DNAH2: variants seen among roughly 807,000 people sequenced by gnomAD.
DNAH2 encodes axonemal beta dynein heavy chain 2.
In DNAH2, 323 loss-of-function variants were observed where a neutral mutation model predicts 523.5. The ratio of observed to expected loss-of-function variants is 0.62; its 90% CI spans 0.56 to 0.68. DNAH2 has a LOEUF of 0.68. DNAH2 is among the 30% of genes least tolerant of loss of function. The pLI, the probability that DNAH2 is intolerant of heterozygous loss-of-function variation, is 0.00. For missense variants in DNAH2, 4,907 were observed against 5,701.5 expected (o/e 0.86, Z 4.49); for synonymous variants, 2,093 against 2,177.4 (o/e 0.96, Z 1.08).
intron 12 of DNAH2, among the ~76,000 whole-genome samples, chr17:7,750,520 C>G (rs1336645406): frequency 1.3e-5 from 2 of 152,032 alleles, no homozygotes; most frequent in African/African-American, 4.8e-5. Context: ...GGAGGTAAAT[C>G]TTTTGAGTTT....
chr17:7,830,521 G>A, intron 78 of DNAH2, 30 bp downstream of exon 78: 1 of 1,611,380 alleles, frequency 6.2e-7, no homozygotes, highest in South Asian at 1.1e-5. Flanking sequence ...CCTCATCCCA[G>A]CCCTCTCTCC....
In DNAH2 at chr17:7,732,366, C is replaced by T. The variant is rs1017519455; in HGVS notation, c.400-721C>T. On this transcript the variant is annotated intron_variant, in intron 4 of 85. Transcript: ENST00000572933. Reference sequence around the variant, plus strand: ...AGAAGAATCGCTTGAACCCGGGGGGCGGAGATTGCAGTGAGCTGAGATTGC... The same window carrying T: ...AGAAGAATCGCTTGAACCCGGGGGGTGGAGATTGCAGTGAGCTGAGATTGC... Among the ~76,000 whole-genome samples the T allele has an allele frequency of 6.5e-5, 9 of 137,598 alleles. No homozygotes were observed. In the East Asian group the frequency reaches 1.2e-3, roughly 18 times the overall value. The allele number at this position is 137,598 out of a possible 152,430, so 90.3% of individuals were successfully genotyped here. A position where few individuals can be genotyped will look rare whatever the true frequency, so the allele number is the denominator to read the frequency against.
At chr17:7,820,934 G>A (rs2077834179) in intron 72 of DNAH2, among the ~76,000 whole-genome samples, 1 of 152,142 alleles carries the variant, frequency 6.6e-6, no homozygotes, top group Admixed American at 6.5e-5. Flanking sequence ...AGCTGCTTGG[G>A]AGCCTGACGC....
intron 4 of DNAH2, among the ~76,000 whole-genome samples, chr17:7,730,130 TA>T (rs563065510): frequency 0.041 from 5,084 of 124,764 alleles, 136 homozygotes; most frequent in African/African-American, 0.092. Flanking sequence ...GGGATTCAAT[TA>T]AAAAAAAAAA....
In DNAH2 at chr17:7,793,448, T is replaced by TC. The variant is rs59809421; in HGVS notation, c.7569+243_7569+244insC. The stretch of plus-strand genomic sequence containing the variant: ...CCTGCTTGCTTTTTCTTTCTTTCTT[T>TC]TTCTTTCTTTCTTTCTTTCTTTCTT... On this transcript the variant is annotated intron_variant, in intron 48 of 85. Coordinates refer to ENST00000572933, the MANE Select transcript of DNAH2 (RefSeq NM_020877.5). 7.2e-3 allele frequency among the ~76,000 whole-genome samples: 404 copies of TC among 56,450 alleles called. 7 individuals are homozygous for TC. The highest frequency in any genetic ancestry group is 0.017 in the South Asian group (31 of 1,778). 37.0% of individuals were successfully genotyped at this position (56,450 alleles called of 152,430 possible).
chr17:7,779,101 G>A, intron 35 of DNAH2, 142 bp from the exon 36 acceptor site: 2 of 870,908 alleles, frequency 2.3e-6, no homozygotes, highest in South Asian at 3.4e-5. Context: ...CTACAACAGT[G>A]TACTCTGGTG....
intron 39 of DNAH2, among the ~76,000 whole-genome samples, chr17:7,782,181 A>C (rs751742053): frequency 2.4e-4 from 37 of 152,164 alleles, no homozygotes; most frequent in Non-Finnish European, 4.4e-4. Context: ...CTGAAGATAT[A>C]ACAGAAGATG....
Position 7,807,564 on chromosome 17 carries a change from A to G in DNAH2, c.9707A>G (p.Glu3236Gly). ...CGGGAGAAGCAAGCCGCGCTCGCTG[A>G]GGCCCAGGAGAAGCTGCGGGAGGTG... ...QLREKQAALAEAQEKLREVAE... is the reference protein window; with the variant it reads ...QLREKQAALAGAQEKLREVAE... Residue 3236 changes from glutamate (E) to glycine (G), a missense_variant, in exon 63 of 86, where the codon GAG becomes GGG. By Grantham distance (98) the Glu-to-Gly change is moderately conservative. This residue lies in a region of DNAH2 where 1,851 missense variants were observed against 2,139.4 expected (regional missense o/e 0.87). Transcript: ENST00000572933. The surrounding 1 kb of genome is among the most constrained non-coding windows in gnomAD (Gnocchi z 5.6). 1.2e-6 allele frequency: 2 copies of G among 1,612,322 alleles called. No individual in the cohort carries two copies. The highest frequency in any genetic ancestry group is 1.1e-5 in the South Asian group (1 of 91,080).
At position 7,727,162 on chromosome 17, in the gene DNAH2, C is replaced by A; in HGVS notation, c.269C>A (p.Ala90Glu). The change falls in exon 4 of 86, where the codon GCG becomes GAG. Residue 90 changes from alanine (A) to glutamate (E), a missense_variant. By Grantham distance (107) the Ala-to-Glu change is moderately radical. Around this residue, in one of 3 missense-constraint regions of DNAH2, gnomAD observed 2,806 missense variants for 3,190.8 expected, o/e 0.88. Transcript: ENST00000572933. ...FLSRAALTGL[A>E]DAVWTQEHDA... Reference sequence around the variant, plus strand: ...TCCCGAGCTGCGCTGACAGGACTGGCGGATGCAGTGTGGACACAGGAGCAT... The same window carrying A: ...TCCCGAGCTGCGCTGACAGGACTGGAGGATGCAGTGTGGACACAGGAGCAT... The A allele has an allele frequency of 6.3e-7, 1 of 1,599,096 alleles. No homozygotes were observed. The highest frequency in any genetic ancestry group is 1.1e-5 in the South Asian group (1 of 88,482).
chr17:7,743,835 G>C (rs777077928), intron 12 of DNAH2: 16 of 154,124 alleles, frequency 1.0e-4, no homozygotes, highest in Non-Finnish European at 1.4e-4. Context: ...TTATGAAACT[G>C]TCATACTATA....
intron 4 of DNAH2, among the ~76,000 whole-genome samples, chr17:7,731,549 T>C (rs1449263369): frequency 6.6e-6 from 1 of 152,150 alleles, no homozygotes; most frequent in African/African-American, 2.4e-5. Flanking sequence ...TTTAATTTTC[T>C]ATATGTATAT....
In DNAH2 at chr17:7,792,834, C is replaced by A; in HGVS notation, c.7323C>A (p.Leu2441=). ...TGCCCTCCAGCCAGTGGTCGGTGCT[C>A]GTTGTCAACATGTCCGCACAGGTGT... The part of the protein sequence containing the change: ...QSLPSSQWSV[L]VVNMSAQTTS... Residue 2441 remains leucine, a synonymous_variant, in exon 47 of 86, where the codon CTC becomes CTA. Transcript: ENST00000572933. 6.2e-7 allele frequency: 1 copy of A among 1,614,106 alleles called. No individual in the cohort carries two copies. Among genetic ancestry groups the A allele is most frequent in the Non-Finnish European group, 8.5e-7 (1 of 1,179,994 alleles).
At position 7,818,417 on chromosome 17, in the gene DNAH2, C is replaced by A. The variant is rs1266990765; in HGVS notation, c.10493C>A (p.Thr3498Asn). The change falls in exon 69 of 86, where the codon ACC becomes AAC. Residue 3498 changes from threonine to asparagine, a missense_variant. Transcript: ENST00000572933. ...TCCAACCCCCACTACAGCCCAGAGA[C>A]CTCAGCCAAGACCACCATCGTCAAC... is the stretch of plus-strand genomic sequence containing the variant. ...KLSNPHYSPE[T>N]SAKTTIVNFA... 1 of 1,614,228 alleles carries A rather than the reference C, an allele frequency of 6.2e-7. No individual in the cohort carries two copies. Among genetic ancestry groups the A allele is most frequent in the South Asian group, 1.1e-5 (1 of 91,084 alleles).
At chr17:7,802,087 A>G in intron 58 of DNAH2, 70 bp downstream of exon 58, 1 of 1,588,282 alleles carries the variant, frequency 6.3e-7, no homozygotes, top group Non-Finnish European at 8.6e-7. Context: ...GGGTGAAATG[A>G]TGCTGATGTG....
chr17:7,772,294 C>G (rs2076339707), intron 28 of DNAH2, among the ~76,000 whole-genome samples: 2 of 152,102 alleles, frequency 1.3e-5, no homozygotes, highest in Admixed American at 6.6e-5. Context: ...TCAGTATACA[C>G]ATCAATAAAA....
chr17:7,778,220 G>T (rs774711577), intron 34 of DNAH2, 40 bp downstream of exon 34: 1 of 1,613,984 alleles, frequency 6.2e-7, no homozygotes, highest in Middle Eastern at 1.6e-4. Context: ...GGGGTGGGGG[G>T]CAGCAGAAGC....
At chr17:7,726,307 A>ATT (rs35883055) in intron 3 of DNAH2, among the ~76,000 whole-genome samples, 1 of 143,320 alleles carries the variant, frequency 7.0e-6, no homozygotes, top group African/African-American at 2.6e-5. Flanking sequence ...TACCCAGCTA[A>ATT]TTTTTTTTTT....
rs201602748 is a variant in DNAH2, at chr17:7,778,056, T to C, written c.5248-21T>C. ...CTCCTTCCAAGCCCACCTCTCTCTTTTTCTGCGCTGTTTTCCCCAGGATCT... is the reference window on the plus strand; with the variant it reads ...CTCCTTCCAAGCCCACCTCTCTCTTCTTCTGCGCTGTTTTCCCCAGGATCT... On this transcript the variant is annotated intron_variant, in intron 33 of 85. Transcript: ENST00000572933. 2.5e-6 allele frequency: 4 copies of C among 1,603,274 alleles called. No individual in the cohort carries two copies. In the East Asian group the frequency reaches 8.9e-5, roughly 36 times the overall value.
chr17:7,807,312 C>T lies in DNAH2; in HGVS notation c.9605C>T (p.Ala3202Val). 6.2e-7 allele frequency: 1 copy of T among 1,612,886 alleles called. No individual in the cohort carries two copies. Among genetic ancestry groups the T allele is most frequent in the Non-Finnish European group, 8.5e-7 (1 of 1,179,784 alleles). ...AAGTCCCTCTGCATGTGGGTGCGGGCCATGGAGGTAAAGGCGTCAGGGCTG... is the reference window on the plus strand; with the variant it reads ...AAGTCCCTCTGCATGTGGGTGCGGGTCATGGAGGTAAAGGCGTCAGGGCTG... ...AAKSLCMWVR[A>V]MELYGRLYRV... The change falls in exon 62 of 86, where the codon GCC (alanine) becomes GTC (valine). Residue 3202 changes from alanine to valine, a missense_variant. Physicochemically the swap from Ala to Val is moderately conservative, Grantham distance 64. Transcript: ENST00000572933. The surrounding 1 kb of genome is among the most constrained non-coding windows in gnomAD (Gnocchi z 5.6).
Sources: allele counts gnomAD v4.1 joint callset (sites outside exome capture counted in the v4.1 genomes callset), GRCh38; gene constraint gnomAD v4.1.1; regional missense constraint gnomAD v4.1.1; non-coding constraint Gnocchi (gnomAD v3.1); transcripts MANE v1.5; gene names NCBI Gene and HGNC (gene_info 2026-07-23, HGNC 2026-07-21).